The following MIPOL1 variants were observed in gnomAD, a reference collection of about 807,000 sequenced individuals.
MIPOL1 encodes mirror-image polydactyly 1.
MIPOL1 carries 57 observed loss-of-function variants against 60.9 expected under a neutral mutation model. The observed-to-expected ratio is 0.94, with a 90% CI of 0.76 to 1.17. MIPOL1 has a LOEUF of 1.17. MIPOL1 is among the 50% of genes most tolerant of loss of function. The probability of loss-of-function intolerance (pLI) is 0.00; values close to 1 mark genes in which losing one functional copy is unlikely to be tolerated. For synonymous variants in MIPOL1, 179 were observed against 168.8 expected (o/e 1.06, Z -0.47); for missense variants, 551 against 511.6 (o/e 1.08, Z -0.74).
chr14:37,220,958 T>G (rs943686776), intron 1 of MIPOL1, among the ~76,000 whole-genome samples: 9 of 152,074 alleles, frequency 5.9e-5, no homozygotes, highest in Admixed American at 1.3e-4. Flanking sequence ...TTAAAAAAGT[T>G]TTTTCATAGA....
At chr14:37,402,134 G>C (rs904753904) in intron 10 of MIPOL1, among the ~76,000 whole-genome samples, 2 of 152,042 alleles carry the variant, frequency 1.3e-5, no homozygotes, top group Non-Finnish European at 2.9e-5. Flanking sequence ...GCTGGGTAAA[G>C]CTAAATATCT....
chr14:37,361,692 G>A (rs140716499), intron 9 of MIPOL1, among the ~76,000 whole-genome samples: 1,545 of 121,446 alleles, frequency 0.013, 32 homozygotes, highest in African/African-American at 0.045. Flanking sequence ...TGCAAGCTCC[G>A]CCTTCCCCGG....
intron 9 of MIPOL1, among the ~76,000 whole-genome samples, chr14:37,361,297 G>A (rs2092221630): frequency 6.6e-6 from 1 of 152,172 alleles, no homozygotes; most frequent in Non-Finnish European, 1.5e-5. Flanking sequence ...GTATTCTGTT[G>A]ATTTGGGGTG....
intron 12 of MIPOL1, among the ~76,000 whole-genome samples, chr14:37,510,199 T>G (rs940633725): frequency 1.3e-5 from 2 of 152,062 alleles, no homozygotes; most frequent in Admixed American, 6.6e-5. Context: ...ATGGTTTATA[T>G]ATATACACAT....
intron 9 of MIPOL1, among the ~76,000 whole-genome samples, chr14:37,356,165 T>C (rs533984020): frequency 4.6e-5 from 7 of 151,802 alleles, no homozygotes; most frequent in African/African-American, 1.7e-4. Flanking sequence ...AATACCCTGC[T>C]GTGTGAGGTG....
chr14:37,537,851 A>C (rs538443300), intron 12 of MIPOL1, among the ~76,000 whole-genome samples: 15 of 152,332 alleles, frequency 9.8e-5, no homozygotes, highest in African/African-American at 3.6e-4. Flanking sequence ...GCATAATATC[A>C]ACTTCAACAA....
chr14:37,481,500 C>A (rs2094864091), intron 11 of MIPOL1, among the ~76,000 whole-genome samples: 1 of 147,344 alleles, frequency 6.8e-6, no homozygotes, highest in African/African-American at 2.5e-5. Flanking sequence ...TATCAGAATT[C>A]TAATGTCATT....
chr14:37,411,482 G>T (rs1456834231), intron 10 of MIPOL1, among the ~76,000 whole-genome samples: 1 of 152,056 alleles, frequency 6.6e-6, no homozygotes. Context: ...CATGTTCTCA[G>T]GTATCTGGCA....
At chr14:37,351,075 C>T (rs2091326739) in intron 9 of MIPOL1, among the ~76,000 whole-genome samples, 1 of 128,506 alleles carries the variant, frequency 7.8e-6, no homozygotes, top group South Asian at 2.7e-4. Flanking sequence ...CACCCCACAA[C>T]GGTCCCCAGA....
intron 4 of MIPOL1, among the ~76,000 whole-genome samples, chr14:37,268,301 A>C (rs2083031339): frequency 6.6e-6 from 1 of 152,152 alleles, no homozygotes; most frequent in Non-Finnish European, 1.5e-5. Flanking sequence ...TGAGGAGTAG[A>C]AGCACAGAAG....
rs1024107142 is a variant in MIPOL1, at chr14:37,328,075, C to G, written c.828+19556C>G. Among the ~76,000 whole-genome samples the G allele has an allele frequency of 6.6e-5, 10 of 151,944 alleles. No individual in the cohort carries two copies. In the East Asian group the frequency reaches 1.4e-3, roughly 21 times the overall value. On this transcript the variant is annotated intron_variant, in intron 9 of 12. Transcript: ENST00000684589. ...TTGCCCAGGCTGGAGTGCAATGATGCAATCTCTGCTCACTGCAACCTCCAC... is the reference window on the plus strand; with the variant it reads ...TTGCCCAGGCTGGAGTGCAATGATGGAATCTCTGCTCACTGCAACCTCCAC...
intron 12 of MIPOL1, among the ~76,000 whole-genome samples, chr14:37,533,804 TAAGCAGTCCACATTC>T (rs1206480995): frequency 6.6e-6 from 1 of 152,214 alleles, no homozygotes; most frequent in East Asian, 1.9e-4. Flanking sequence ...AGAAGATGCA[TAAGCAGTCCACATTC>T]AAGGCAACTT....
chr14:37,502,723 G>T (rs931562755), intron 12 of MIPOL1: 1 of 152,160 alleles, frequency 6.6e-6, no homozygotes, highest in African/African-American at 2.4e-5. Flanking sequence ...TGTGCCAAAG[G>T]CTCACAGCTC....
intron 7 of MIPOL1, among the ~76,000 whole-genome samples, chr14:37,297,027 C>CTTG (rs2085792837): frequency 2.0e-5 from 3 of 152,150 alleles, no homozygotes; most frequent in African/African-American, 7.2e-5. Flanking sequence ...GACCAATATC[C>CTTG]TTGATGAACA....
At chr14:37,482,643 C>G (rs957367253) in intron 11 of MIPOL1, among the ~76,000 whole-genome samples, 1 of 152,166 alleles carries the variant, frequency 6.6e-6, no homozygotes, top group Non-Finnish European at 1.5e-5. Context: ...CACTCACTAT[C>G]ATGAGAACAG....
chr14:37,353,879 T>C (rs1420923005), intron 9 of MIPOL1, among the ~76,000 whole-genome samples: 1 of 152,190 alleles, frequency 6.6e-6, no homozygotes, highest in African/African-American at 2.4e-5. Context: ...ATTAATTTTT[T>C]GAATGGTTTT....
At position 37,210,785 on chromosome 14, in the gene MIPOL1, C is replaced by T. The variant is rs558282164; in HGVS notation, c.-199+12681C>T. On this transcript the variant is annotated intron_variant, in intron 1 of 12. Coordinates refer to ENST00000684589, the MANE Select transcript of MIPOL1 (RefSeq NM_001388067.1). ...CAGCAAGGGATTATAGAAAGGCAAG[C>T]GAGAGGGCAATGTCTGGTTATCATT... 9.2e-5 allele frequency among the ~76,000 whole-genome samples: 14 copies of T among 152,102 alleles called. No homozygotes were observed. In the South Asian group the frequency reaches 1.0e-3, roughly 11 times the overall value.
chr14:37,344,325 AAAAAT>A (rs1017083949), intron 9 of MIPOL1, among the ~76,000 whole-genome samples: 14 of 152,166 alleles, frequency 9.2e-5, no homozygotes, highest in East Asian at 1.9e-4. Flanking sequence ...TAAATAAATT[AAAAAT>A]AAAATAAAGT....
chr14:37,347,945 G>A (rs552374820), intron 9 of MIPOL1, among the ~76,000 whole-genome samples: 91 of 152,206 alleles, frequency 6.0e-4, no homozygotes, highest in African/African-American at 2.2e-3. Flanking sequence ...TGGGGTACAT[G>A]TGCAGGTTTG....
Sources: allele counts gnomAD v4.1 joint callset (sites outside exome capture counted in the v4.1 genomes callset), GRCh38; gene constraint gnomAD v4.1.1; transcripts MANE v1.5; gene names NCBI Gene and HGNC (gene_info 2026-07-23, HGNC 2026-07-21).